Variants in RUNX1T1 observed in about 807,000 individuals in gnomAD.
RUNX1T1 encodes the protein RUNX1 partner transcriptional co-repressor 1, also known as protein CBFA2T1.
Under a neutral mutation model 62.8 loss-of-function variants are expected in RUNX1T1, and 4 were observed. The observed-to-expected ratio is 0.06, with a 90% confidence interval of 0.03 to 0.15. The LOEUF is 0.15. Among genes scored for constraint, RUNX1T1 ranks in the 10% least tolerant of loss-of-function variants. RUNX1T1 has a pLI of 1.00. For missense variants in RUNX1T1, 508 were observed against 754.3 expected, an observed-to-expected ratio of 0.67 and a Z score of 3.82; for synonymous variants, 291 against 286.0, an observed-to-expected ratio of 1.02 and a Z score of -0.18.
downstream of RUNX1T1, chr8:91,956,221 A>G (rs568353508): frequency 4.3e-6 from 1 of 231,324 alleles, no homozygotes; most frequent in East Asian, 6.1e-5. Flanking sequence ...AGGCAAGCCA[A>G]GCTCTCCTTT....
At chr8:92,036,265 C>A (rs941651115) in intron 1 of RUNX1T1, among the ~76,000 whole-genome samples, 1 of 152,176 alleles carries the variant, frequency 6.6e-6, no homozygotes, top group African/African-American at 2.4e-5. Flanking sequence ...TTCAGAAACA[C>A]AACCTTCTTG....
intron 10 of RUNX1T1, among the ~76,000 whole-genome samples, chr8:91,970,351 G>A (rs995683799): frequency 3.0e-4 from 45 of 152,088 alleles, no homozygotes; most frequent in African/African-American, 1.0e-3. Flanking sequence ...ATATGCACAT[G>A]CACACATACA....
chr8:91,989,586 C>T (rs955244761), intron 6 of RUNX1T1, among the ~76,000 whole-genome samples: 2 of 152,146 alleles, frequency 1.3e-5, no homozygotes, highest in African/African-American at 4.8e-5. Flanking sequence ...CTGTATAGTG[C>T]ACTGGAACTA....
exon 1 of RUNX1T1, chr8:92,062,775 T>C (rs1000162670): frequency 6.6e-6 from 10 of 1,511,048 alleles, no homozygotes; most frequent in Admixed American, 2.0e-5. Flanking sequence ...ATGTGGAGGA[T>C]GACAGGAGCA....
chr8:92,003,375 A>C (rs757382123), intron 5 of RUNX1T1: 3 of 456,240 alleles, frequency 6.6e-6, no homozygotes, highest in South Asian at 4.6e-5. Flanking sequence ...GCTGGTGGGA[A>C]AATAGCTGGA....
At chr8:92,075,843 A>C (rs1834339890) in intron 2 of RUNX1T1, 122 bp downstream of exon 2, 1 of 839,092 alleles carries the variant, frequency 1.2e-6, no homozygotes, top group African/African-American at 1.7e-5. Context: ...ATACAATAGA[A>C]CAGGCACTAG....
In RUNX1T1 at chr8:92,052,755, T is replaced by C. The variant is rs574189105; in HGVS notation, c.7+9791A>G. ...CTTGGGAGGGGGCAGAGAATTTGTA[T>C]TTCCAACAAATTCTCTGGTGAGGCA... On this transcript the variant is annotated intron_variant, in intron 1 of 10. Coordinates refer to ENST00000396218, the Ensembl canonical transcript of RUNX1T1. 6.6e-5 allele frequency among the ~76,000 whole-genome samples: 10 copies of C among 152,330 alleles called. No individual in the cohort carries two copies. In the South Asian group the frequency reaches 1.9e-3, roughly 28 times the overall value.
intron 1 of RUNX1T1, among the ~76,000 whole-genome samples, chr8:92,041,854 T>C (rs1214345246): frequency 1.3e-5 from 2 of 151,536 alleles, no homozygotes; most frequent in Non-Finnish European, 2.9e-5. Flanking sequence ...AGTCTCTCTC[T>C]GTTGTCCAGG....
At chr8:92,035,063 G>T (rs1291648850) in intron 1 of RUNX1T1, among the ~76,000 whole-genome samples, 2 of 152,046 alleles carry the variant, frequency 1.3e-5, no homozygotes, top group Middle Eastern at 3.2e-3. Context: ...GGGAGGCCAA[G>T]GAGGGCGGAT....
At chr8:92,027,129 A>AAG (rs71275439) in intron 1 of RUNX1T1, among the ~76,000 whole-genome samples, 22,319 of 144,462 alleles carry the variant, frequency 0.15, 1,721 homozygotes, top group Non-Finnish European at 0.21. Flanking sequence ...AAAAAAAAAA[A>AAG]AAAAAGAAAA....
At chr8:92,011,137 A>C (rs1821838254) in intron 3 of RUNX1T1, 46 bp from the exon 5 acceptor site, 3 of 1,075,262 alleles carry the variant, frequency 2.8e-6, no homozygotes, top group Non-Finnish European at 4.3e-6. Flanking sequence ...CTGTTGGTAA[A>C]TAGTAAAAAC....
intron 9 of RUNX1T1, among the ~76,000 whole-genome samples, chr8:91,972,400 G>A (rs936884695): frequency 2.0e-5 from 3 of 152,058 alleles, no homozygotes; most frequent in Admixed American, 6.5e-5. Context: ...AAGATCCATA[G>A]TGGAAATATT....
chr8:91,970,156 T>A (rs2130610431), intron 10 of RUNX1T1, among the ~76,000 whole-genome samples: 1 of 152,206 alleles, frequency 6.6e-6, no homozygotes, highest in Admixed American at 6.5e-5. Flanking sequence ...ACAAATAATG[T>A]GGAAGTACAG....
At chr8:92,055,029 AT>A (rs1275050037) in intron 1 of RUNX1T1, among the ~76,000 whole-genome samples, 6 of 152,170 alleles carry the variant, frequency 3.9e-5, no homozygotes, top group African/African-American at 1.4e-4. Flanking sequence ...AATTAAAAAA[AT>A]AAAAAAATAC....
At chr8:92,002,086 A>G (rs925688777) in intron 5 of RUNX1T1, among the ~76,000 whole-genome samples, 2 of 152,210 alleles carry the variant, frequency 1.3e-5, no homozygotes, top group Admixed American at 6.5e-5. Flanking sequence ...CAGAATGGTA[A>G]AAGAATAAAT....
intron 5 of RUNX1T1, among the ~76,000 whole-genome samples, chr8:91,994,307 C>T (rs549812082): frequency 1.3e-5 from 2 of 152,290 alleles, no homozygotes; most frequent in South Asian, 4.1e-4. Flanking sequence ...TAAACTGAAA[C>T]ATTCTAGATA....
intron 1 of RUNX1T1, chr8:92,095,615 G>A: frequency 7.3e-7 from 1 of 1,378,388 alleles, no homozygotes; most frequent in South Asian, 1.6e-5. Context: ...AGGAAAAGTG[G>A]GAGAGAGAGA....
At chr8:92,071,910 A>C (rs1386042507) in intron 2 of RUNX1T1, among the ~76,000 whole-genome samples, 1 of 152,126 alleles carries the variant, frequency 6.6e-6, no homozygotes, top group Non-Finnish European at 1.5e-5. Context: ...CCTCTTCCTA[A>C]AGCTGACCCA....
intron 1 of RUNX1T1, among the ~76,000 whole-genome samples, chr8:92,084,688 A>G (rs1260184534): frequency 1.3e-5 from 2 of 152,168 alleles, no homozygotes; most frequent in Non-Finnish European, 2.9e-5. Flanking sequence ...TTGGGGAGGA[A>G]GGGTCATGAA....
Sources: gnomAD v4.1 joint callset for allele counts (sites outside exome capture counted in the v4.1 genomes callset) on GRCh38, gnomAD v4.1.1 for gene constraint, MANE v1.5 for transcripts, NCBI Gene and HGNC (gene_info 2026-07-23, HGNC 2026-07-21) for gene names.